FNDC3B: variants seen among roughly 807,000 people sequenced by gnomAD.
The protein encoded by FNDC3B is fibronectin type III domain containing 3B.
Under a neutral mutation model 151.5 loss-of-function variants are expected in FNDC3B, and 12 were observed. The ratio of observed to expected loss-of-function variants is 0.08; its 90% CI spans 0.05 to 0.13. The LOEUF (loss-of-function observed/expected upper bound fraction) is 0.13, where lower values mean the gene tolerates loss of function less well. Among genes scored for constraint, FNDC3B ranks in the 10% least tolerant of loss-of-function variants. The pLI, the probability that FNDC3B is intolerant of heterozygous loss-of-function variation, is 1.00. For missense variants in FNDC3B, 1,214 were observed against 1,505.3 expected (o/e 0.81, Z 3.20); for synonymous variants, 528 against 549.0 (o/e 0.96, Z 0.54).
intron 16 of FNDC3B, among the ~76,000 whole-genome samples, chr3:172,339,645 G>C (rs997111019): frequency 1.3e-5 from 2 of 152,206 alleles, no homozygotes; most frequent in Non-Finnish European, 2.9e-5. Context: ...TAGGTTAGAA[G>C]TCATGTATAT....
chr3:172,113,616 A>G (rs923702943), intron 2 of FNDC3B, among the ~76,000 whole-genome samples: 1 of 152,052 alleles, frequency 6.6e-6, no homozygotes, highest in Admixed American at 6.6e-5. Flanking sequence ...GATGCAGATA[A>G]CTCCCTTCCT....
At chr3:172,045,996 C>G (rs1716350783) in intron 1 of FNDC3B, among the ~76,000 whole-genome samples, 1 of 152,052 alleles carries the variant, frequency 6.6e-6, no homozygotes, top group Non-Finnish European at 1.5e-5. Flanking sequence ...GTAACAAGCT[C>G]ACCTGGAGGG....
intron 3 of FNDC3B, among the ~76,000 whole-genome samples, chr3:172,189,506 C>T (rs935541453): frequency 6.6e-6 from 1 of 152,066 alleles, no homozygotes; most frequent in African/African-American, 2.4e-5. Context: ...AATGAGAGTT[C>T]CAGAAAACCA....
chr3:172,227,629 C>A (rs1489422169), intron 4 of FNDC3B, among the ~76,000 whole-genome samples: 2 of 152,182 alleles, frequency 1.3e-5, no homozygotes, highest in Non-Finnish European at 2.9e-5. Context: ...CTAGCCTCAG[C>A]ACAATATGCA....
intron 3 of FNDC3B, among the ~76,000 whole-genome samples, chr3:172,190,293 CA>C (rs1470925772): frequency 2.0e-5 from 3 of 152,182 alleles, no homozygotes; most frequent in Admixed American, 2.0e-4. Flanking sequence ...ATTCAGATAG[CA>C]GCGTGTCCTG....
intron 4 of FNDC3B, among the ~76,000 whole-genome samples, chr3:172,236,984 A>G (rs1727199187): frequency 6.6e-6 from 1 of 152,194 alleles, no homozygotes; most frequent in African/African-American, 2.4e-5. Flanking sequence ...TCATTTATAT[A>G]TGACTTAGCT....
intron 6 of FNDC3B, among the ~76,000 whole-genome samples, chr3:172,274,427 T>C (rs911576798): frequency 6.6e-6 from 1 of 152,054 alleles, no homozygotes; most frequent in Non-Finnish European, 1.5e-5. Context: ...CAAGAAGAAG[T>C]AGACTTGGAC....
intron 7 of FNDC3B, among the ~76,000 whole-genome samples, chr3:172,289,727 C>T (rs770946045): frequency 6.6e-5 from 10 of 152,188 alleles, no homozygotes; most frequent in Admixed American, 1.3e-4. Flanking sequence ...GGGGCACAAA[C>T]GCCGGAAGTC....
intron 20 of FNDC3B, 101 bp downstream of exon 20, chr3:172,346,541 G>A: frequency 2.1e-6 from 1 of 469,998 alleles, no homozygotes; most frequent in South Asian, 2.4e-5. Context: ...TGCACATATA[G>A]ATGATTTTTT....
chr3:172,064,148 G>T (rs925787885), intron 1 of FNDC3B, among the ~76,000 whole-genome samples: 1 of 152,038 alleles, frequency 6.6e-6, no homozygotes, highest in East Asian at 1.9e-4. Flanking sequence ...TCTTAAAATA[G>T]ATAGATAGAT....
intron 1 of FNDC3B, among the ~76,000 whole-genome samples, chr3:172,075,846 C>G (rs1407966268): frequency 6.6e-6 from 1 of 151,886 alleles, no homozygotes; most frequent in African/African-American, 2.4e-5. Flanking sequence ...CAATTCTATT[C>G]GATTTTATTT....
rs68014738 is a variant in FNDC3B at position 172,040,278 on chromosome 3, C to T, written c.-29+507C>T. 1.3e-5 allele frequency among the ~76,000 whole-genome samples: 2 copies of T among 151,680 alleles called. No individual in the cohort carries two copies. The highest frequency in any genetic ancestry group is 3.0e-5 in the Non-Finnish European group (2 of 67,786). Reference sequence around the variant, plus strand: ...TTTCCATATGGTGGAGGGAAGAGGGCGGGAGTGCGAAGTGGGGCTGGAAGT... The same window carrying T: ...TTTCCATATGGTGGAGGGAAGAGGGTGGGAGTGCGAAGTGGGGCTGGAAGT... On this transcript the variant is annotated intron_variant, in intron 1 of 25. Transcript: ENST00000415807. This position sits in a 1 kb window ranked among gnomAD's most constrained non-coding sequence, Gnocchi z 6.6.
intron 6 of FNDC3B, among the ~76,000 whole-genome samples, chr3:172,279,542 C>A (rs1326282400): frequency 1.3e-5 from 2 of 152,176 alleles, no homozygotes; most frequent in Non-Finnish European, 2.9e-5. Context: ...TTCAGGATTT[C>A]AAATAGAGTA....
chr3:172,094,294 A>G (rs1718989806), intron 1 of FNDC3B, among the ~76,000 whole-genome samples: 1 of 152,238 alleles, frequency 6.6e-6, no homozygotes. Context: ...GAAACCTCAT[A>G]GCCGTTGGCA....
Position 172,054,697 on chromosome 3 carries a change from T to G in FNDC3B, c.-29+14926T>G, listed in dbSNP as rs1716826605. Among the ~76,000 whole-genome samples the G allele has an allele frequency of 1.3e-5, 2 of 152,136 alleles. 1 individual carries two copies. The highest frequency in any genetic ancestry group is 3.9e-4 in the East Asian group (2 of 5,192). On this transcript the variant is annotated intron_variant, in intron 1 of 25. Transcript: ENST00000415807. The stretch of plus-strand genomic sequence containing the variant: ...CCTGTCTCAGGAGGGAGGCTGTAAG[T>G]GCTAAAAATGCCCCTGAACAGGGGG...
intron 1 of FNDC3B, among the ~76,000 whole-genome samples, chr3:172,093,777 T>C (rs920667979): frequency 2.6e-5 from 4 of 152,192 alleles, no homozygotes; most frequent in African/African-American, 9.6e-5. Context: ...AGGAATCTTC[T>C]GGAGAATTTC....
Position 172,314,498 on chromosome 3 carries a change from A to G in FNDC3B, c.1254+3617A>G, listed in dbSNP as rs1731680100. Among the ~76,000 whole-genome samples the G allele has an allele frequency of 2.6e-5, 4 of 152,178 alleles. No individual in the cohort carries two copies. In the South Asian group the frequency reaches 8.3e-4, roughly 32 times the overall value. On this transcript the variant is annotated intron_variant, in intron 11 of 25. Transcript: ENST00000415807. ...CCTCATCTCCATATATGCAACCACT[A>G]ATGTCCAGGTATCCCCTGCAGCCCC...
intron 1 of FNDC3B, among the ~76,000 whole-genome samples, chr3:172,049,525 GT>G (rs1716535107): frequency 6.6e-6 from 1 of 152,050 alleles, no homozygotes; most frequent in South Asian, 2.1e-4. Flanking sequence ...TTTAAACATT[GT>G]TTTTTGTTTC....
intron 11 of FNDC3B, chr3:172,317,319 G>A: frequency 3.2e-6 from 1 of 313,080 alleles, no homozygotes; most frequent in Non-Finnish European, 6.3e-6. Context: ...GAGTAACTGG[G>A]ACTACAGGCG....
Sources: allele counts gnomAD v4.1 joint callset (sites outside exome capture counted in the v4.1 genomes callset), GRCh38; gene constraint gnomAD v4.1.1; non-coding constraint Gnocchi (gnomAD v3.1); transcripts MANE v1.5; gene names NCBI Gene and HGNC (gene_info 2026-07-23, HGNC 2026-07-21).